TENM3: variants seen among roughly 807,000 people sequenced by gnomAD.
TENM3 encodes the protein teneurin transmembrane protein 3, also known as teneurin-3.
In TENM3, 63 loss-of-function variants were observed where a neutral mutation model predicts 255.1. The ratio of observed to expected loss-of-function variants is 0.25; its 90% confidence interval spans 0.20 to 0.30. TENM3 has a LOEUF of 0.30. TENM3 is among the 10% of genes least tolerant of loss of function. The pLI is 1.00. For missense variants in TENM3, 2,929 were observed against 3,461.1 expected, an observed-to-expected ratio of 0.85 and a Z score of 3.86; for synonymous variants, 1,306 against 1,322.3, an observed-to-expected ratio of 0.99 and a Z score of 0.27.
chr4:182,043,969 C>G, the TENM3 span, among the ~76,000 whole-genome samples: 1 of 152,140 alleles, frequency 6.6e-6, no homozygotes, highest in South Asian at 2.1e-4. Flanking sequence ...TTCCACTCTT[C>G]CCACACTGGA....
chr4:181,450,444 GGACAGAAGGATTTTTAAAT>G, the TENM3 span, among the ~76,000 whole-genome samples: 1 of 151,960 alleles, frequency 6.6e-6, no homozygotes, highest in South Asian at 2.1e-4. Context: ...TTCTTCCTAG[GGACAGAAGGATTTTTAAAT>G]GAAAAAGGGC....
the TENM3 span, among the ~76,000 whole-genome samples, chr4:181,682,598 A>G: frequency 6.6e-6 from 1 of 152,188 alleles, no homozygotes; most frequent in African/African-American, 2.4e-5. Context: ...GAAAAAATAT[A>G]TATATGCACA....
intron 6 of TENM3, among the ~76,000 whole-genome samples, chr4:182,666,464 C>G (rs1022702847): frequency 6.6e-6 from 1 of 152,220 alleles, no homozygotes; most frequent in Non-Finnish European, 1.5e-5. Context: ...CAACCTTCAG[C>G]AACCACCACC....
the TENM3 span, among the ~76,000 whole-genome samples, chr4:181,646,969 C>T: frequency 6.6e-6 from 1 of 152,138 alleles, no homozygotes; most frequent in Non-Finnish European, 1.5e-5. Context: ...GGGGAAATAA[C>T]TCATTATTTT....
chr4:182,730,385 A>T, intron 15 of TENM3, 66 bp downstream of exon 15: 1 of 1,570,078 alleles, frequency 6.4e-7, no homozygotes, highest in South Asian at 1.2e-5. Context: ...TTCCTGTACC[A>T]CTGTCATGTT....
chr4:182,304,368 A>G (rs1031463068), intron 1 of TENM3, among the ~76,000 whole-genome samples: 3 of 152,012 alleles, frequency 2.0e-5, no homozygotes, highest in African/African-American at 7.2e-5. Flanking sequence ...GTGCGCCACT[A>G]TGCCCAGCTA....
intron 6 of TENM3, among the ~76,000 whole-genome samples, chr4:182,654,557 A>G (rs764476484): frequency 6.6e-6 from 1 of 152,258 alleles, no homozygotes; most frequent in East Asian, 1.9e-4. Context: ...TGGCCTTGGT[A>G]TCCTCTGACT....
chr4:182,278,763 C>A (rs913749943), intron 1 of TENM3, among the ~76,000 whole-genome samples: 3 of 152,040 alleles, frequency 2.0e-5, no homozygotes, highest in Non-Finnish European at 2.9e-5. Context: ...GTGGAGCTGG[C>A]CTGTCATCAA....
chr4:182,380,877 G>C (rs1282249385), intron 3 of TENM3, among the ~76,000 whole-genome samples: 1 of 152,190 alleles, frequency 6.6e-6, no homozygotes, highest in African/African-American at 2.4e-5. Context: ...CTTCTTGAAA[G>C]TCTCTACCAC....
chr4:181,773,078 A>C, the TENM3 span, among the ~76,000 whole-genome samples: 1 of 152,158 alleles, frequency 6.6e-6, no homozygotes, highest in African/African-American at 2.4e-5. Context: ...GACACAGAAA[A>C]CATCTGCTCA....
the TENM3 span, among the ~76,000 whole-genome samples, chr4:181,795,178 C>T: frequency 6.6e-6 from 1 of 151,970 alleles, no homozygotes; most frequent in Non-Finnish European, 1.5e-5. Flanking sequence ...GTTCAGGCTG[C>T]TATCACAAAA....
the TENM3 span, among the ~76,000 whole-genome samples, chr4:181,909,381 T>C: frequency 6.6e-6 from 1 of 152,200 alleles, no homozygotes. Context: ...GACCACAGAA[T>C]GTTTGTTGCC....
chr4:182,476,658 T>A (rs954085590), intron 3 of TENM3, among the ~76,000 whole-genome samples: 4 of 152,204 alleles, frequency 2.6e-5, no homozygotes, highest in Non-Finnish European at 4.4e-5. Context: ...ATGCTTTCCT[T>A]AGGAGCCTCT....
chr4:182,724,648 C>T (rs1358066489), intron 13 of TENM3, among the ~76,000 whole-genome samples: 1 of 152,178 alleles, frequency 6.6e-6, no homozygotes, highest in Non-Finnish European at 1.5e-5. Context: ...TATAAACTAA[C>T]AAAGATGAAT....
chr4:182,059,657 C>T, the TENM3 span, among the ~76,000 whole-genome samples: 1 of 149,886 alleles, frequency 6.7e-6, no homozygotes, highest in Non-Finnish European at 1.5e-5. Flanking sequence ...GCCTGTAATC[C>T]CAACACTTTG....
At chr4:181,650,909 A>G in the TENM3 span, among the ~76,000 whole-genome samples, 1 of 152,208 alleles carries the variant, frequency 6.6e-6, no homozygotes, top group Non-Finnish European at 1.5e-5. Context: ...TGTATGTTTT[A>G]CAAGCATTCA....
chr4:182,245,976 C>T (rs1051787544), intron 1 of TENM3, among the ~76,000 whole-genome samples: 24 of 152,190 alleles, frequency 1.6e-4, no homozygotes, highest in Non-Finnish European at 3.2e-4. Context: ...TGGATCCTCA[C>T]TCTGTGGTTA....
At chr4:181,950,659 C>A in the TENM3 span, among the ~76,000 whole-genome samples, 1 of 152,160 alleles carries the variant, frequency 6.6e-6, no homozygotes, top group African/African-American at 2.4e-5. Flanking sequence ...TCATTGTGGG[C>A]ACATTGTATT....
At chr4:181,754,321 C>CACACAG in the TENM3 span, among the ~76,000 whole-genome samples, 3 of 150,568 alleles carry the variant, frequency 2.0e-5, no homozygotes, top group Non-Finnish European at 2.9e-5. Flanking sequence ...CACACACACA[C>CACACAG]AGACAATCAC....
Sources: gnomAD v4.1 joint callset for allele counts (sites outside exome capture counted in the v4.1 genomes callset) on GRCh38, gnomAD v4.1.1 for gene constraint, MANE v1.5 for transcripts, NCBI Gene and HGNC (gene_info 2026-07-23, HGNC 2026-07-21) for gene names.